SLC24A1: variants seen among roughly 807,000 people sequenced by gnomAD.
The protein encoded by SLC24A1 is sodium/potassium/calcium exchanger 1.
Under a neutral mutation model 88.1 loss-of-function variants are expected in SLC24A1, and 52 were observed. The ratio of observed to expected loss-of-function variants is 0.59; its 90% CI spans 0.47 to 0.74. The LOEUF (loss-of-function observed/expected upper bound fraction) is 0.74. Among genes scored for constraint, SLC24A1 ranks in the 30% least tolerant of loss-of-function variants. The pLI is 0.00. For synonymous variants in SLC24A1, 455 were observed against 498.0 expected (o/e 0.91, Z 1.15); for missense variants, 1,173 against 1,363.3 (o/e 0.86, Z 2.20).
intron 2 of SLC24A1, among the ~76,000 whole-genome samples, chr15:65,627,638 G>A (rs2074563871): frequency 6.6e-6 from 1 of 152,306 alleles, no homozygotes; most frequent in South Asian, 2.1e-4. Flanking sequence ...GGCAGGCCTT[G>A]CTAAGTTCTC....
At chr15:65,639,946 C>T (rs1596330079) in intron 4 of SLC24A1, among the ~76,000 whole-genome samples, 1 of 152,194 alleles carries the variant, frequency 6.6e-6, no homozygotes, top group East Asian at 1.9e-4. Flanking sequence ...ATCCACATCC[C>T]ACTTCCCTGC....
chr15:65,647,475 CAAA>C (rs199501932), intron 6 of SLC24A1, among the ~76,000 whole-genome samples: 17,569 of 79,776 alleles, frequency 0.22, 918 homozygotes, highest in African/African-American at 0.27. Context: ...GAGACTGTCT[CAAA>C]AAAAAAAAAA....
At chr15:65,642,420 G>A (rs2075160507) in intron 4 of SLC24A1, among the ~76,000 whole-genome samples, 1 of 152,156 alleles carries the variant, frequency 6.6e-6, no homozygotes. Context: ...CAGCTGACCT[G>A]TTTTCCTCAG....
At chr15:65,620,175 G>C (rs933709319), upstream of SLC24A1, among the ~76,000 whole-genome samples, 1 of 151,560 alleles carries the variant, frequency 6.6e-6, no homozygotes, top group Non-Finnish European at 1.5e-5. Flanking sequence ...TGGGCTCTGG[G>C]GATTCAGTGG....
Position 65,624,121 on chromosome 15 carries a change from T to C in SLC24A1, c.41T>C (p.Leu14Ser), listed in dbSNP as rs1596305618. 1.9e-6 allele frequency: 3 copies of C among 1,611,204 alleles called. No individual in the cohort carries two copies. In the East Asian group the frequency reaches 6.7e-5, roughly 36 times the overall value. ...LIRMGPQERW[L>S]LRTKRLHWSR... ...AGGATGGGGCCGCAAGAGAGGTGGT[T>C]ACTCCGGACAAAGCGGCTTCATTGG... Residue 14 changes from leucine to serine, a missense_variant, in exon 2 of 10, where the codon TTA becomes TCA. Transcript: ENST00000261892.
chr15:65,642,503 C>T (rs919634237), intron 4 of SLC24A1, among the ~76,000 whole-genome samples: 1 of 152,184 alleles, frequency 6.6e-6, no homozygotes, highest in Non-Finnish European at 1.5e-5. Flanking sequence ...TTATGGCTAG[C>T]CCTTCCAGCA....
chr15:65,654,471 G>C lies in SLC24A1; in HGVS notation c.*392G>C, dbSNP rs921505643. 5 of 1,159,364 alleles carry C rather than the reference G, an allele frequency of 4.3e-6. No individual in the cohort carries two copies. The highest frequency in any genetic ancestry group is 4.3e-6 in the Non-Finnish European group (4 of 932,770). The allele number at this position is 1,159,364 out of a possible 1,614,324, so 71.8% of individuals were successfully genotyped here. On this transcript the variant is annotated 3_prime_UTR_variant, in exon 10 of 10. Transcript: ENST00000261892. The stretch of plus-strand genomic sequence containing the variant: ...CATTCCAAAGGCTGCTGGCCCAAAA[G>C]ATGCAGATGTGGTCTACATCTCAGC...
downstream of SLC24A1, among the ~76,000 whole-genome samples, chr15:65,657,030 C>CA (rs2075704892): frequency 6.6e-6 from 1 of 152,050 alleles, no homozygotes; most frequent in Non-Finnish European, 1.5e-5. Context: ...CCACCACACC[C>CA]AGCTGATTTT....
exon 1 of SLC24A1, chr15:65,611,513 C>A: frequency 2.7e-6 from 1 of 367,090 alleles, no homozygotes; most frequent in East Asian, 5.5e-5. Flanking sequence ...ACACTTTTGT[C>A]CCCTCACTCC....
intron 6 of SLC24A1, among the ~76,000 whole-genome samples, chr15:65,649,895 C>G (rs776006238): frequency 1.5e-4 from 23 of 152,184 alleles, no homozygotes; most frequent in Non-Finnish European, 2.2e-4. Context: ...ATGCAATATT[C>G]TGTATTCAGT....
intron 3 of SLC24A1, among the ~76,000 whole-genome samples, chr15:65,638,635 G>A (rs189836788): frequency 6.6e-6 from 1 of 152,306 alleles, no homozygotes; most frequent in African/African-American, 2.4e-5. Context: ...CTGAAAAACT[G>A]TGTCTTAGCT....
At chr15:65,633,255 G>T (rs957710500) in intron 2 of SLC24A1, among the ~76,000 whole-genome samples, 2 of 152,072 alleles carry the variant, frequency 1.3e-5, no homozygotes, top group Non-Finnish European at 2.9e-5. Flanking sequence ...ATATACACTG[G>T]GTTTCAAAGG....
intron 7 of SLC24A1, 134 bp downstream of exon 7, chr15:65,651,076 C>T: frequency 1.3e-6 from 1 of 756,044 alleles, no homozygotes; most frequent in Admixed American, 2.1e-5. Flanking sequence ...CCATTGAGAT[C>T]TGGGAAGGGA....
downstream of SLC24A1, chr15:65,660,438 G>T: frequency 4.4e-6 from 3 of 676,898 alleles, no homozygotes; most frequent in Non-Finnish European, 7.3e-6. Flanking sequence ...CCTAATTTGG[G>T]ACTATCCATT....
At chr15:65,646,559 C>T (rs938512720) in intron 6 of SLC24A1, among the ~76,000 whole-genome samples, 5 of 150,512 alleles carry the variant, frequency 3.3e-5, no homozygotes, top group Admixed American at 6.7e-5. Flanking sequence ...CTGAATGCCC[C>T]TGGTGCTCTG....
In SLC24A1 at chr15:65,656,126, T is replaced by A; in HGVS notation, c.*2047T>A. On this transcript the variant is annotated 3_prime_UTR_variant, in exon 10 of 10. Transcript: ENST00000261892. ...AGCCCGTTCCCGTTAGCCTCGGGGATGTCACCTCACCCACAGCCTGGGATC... is the reference window on the plus strand; with the variant it reads ...AGCCCGTTCCCGTTAGCCTCGGGGAAGTCACCTCACCCACAGCCTGGGATC... 2 of 985,436 alleles carry A rather than the reference T, an allele frequency of 2.0e-6. No homozygotes were observed. Among genetic ancestry groups the A allele is most frequent in the Non-Finnish European group, 2.4e-6 (2 of 829,936 alleles). 61.0% of individuals were successfully genotyped at this position (985,436 alleles called of 1,614,324 possible).
At chr15:65,646,980 C>T (rs1217081109) in intron 6 of SLC24A1, among the ~76,000 whole-genome samples, 1 of 152,172 alleles carries the variant, frequency 6.6e-6, no homozygotes, top group African/African-American at 2.4e-5. Flanking sequence ...TGGGCCTAGG[C>T]CTGAGAAGGC....
chr15:65,654,632 AAAAG>A lies in SLC24A1; in HGVS notation c.*557_*560del, dbSNP rs1476373010. ...TCTAAGGATCCAAGGCTACAGAAAA[AAAAG>A]AAATATAACAGGAATTAATGATCAT... On this transcript the variant is annotated 3_prime_UTR_variant, in exon 10 of 10. Coordinates refer to ENST00000261892, the MANE Select transcript of SLC24A1 (RefSeq NM_004727.3). 7.9e-7 allele frequency: 1 copy of A among 1,263,816 alleles called. No homozygotes were observed. The allele number at this position is 1,263,816 out of a possible 1,614,324, so 78.3% of individuals were successfully genotyped here. A position where few individuals can be genotyped will look rare whatever the true frequency, so the allele number is the denominator to read the frequency against.
intron 2 of SLC24A1, among the ~76,000 whole-genome samples, chr15:65,634,843 G>T (rs2074861776): frequency 2.0e-5 from 3 of 151,960 alleles, no homozygotes. Context: ...AGAAGACAGG[G>T]TTCTGTCACC....
Sources: gnomAD v4.1 joint callset for allele counts (sites outside exome capture counted in the v4.1 genomes callset) on GRCh38, gnomAD v4.1.1 for gene constraint, MANE v1.5 for transcripts, NCBI Gene and HGNC (gene_info 2026-07-23, HGNC 2026-07-21) for gene names.